Variants in SLC4A4 observed in about 807,000 individuals in gnomAD.
SLC4A4 encodes the protein solute carrier family 4 member 4.
A neutral mutation model predicts 111.5 loss-of-function variants in SLC4A4; 27 were observed. That is an observed-to-expected ratio of 0.24 (90% CI 0.18 to 0.33). The LOEUF is 0.33. Ranked by LOEUF, SLC4A4 falls within the 10% of genes least tolerant of loss-of-function variation. SLC4A4 has a pLI of 1.00. For synonymous variants in SLC4A4, 443 were observed against 463.4 expected (o/e 0.96, Z 0.57); for missense variants, 909 against 1,315.5 (o/e 0.69, Z 4.78).
intron 2 of SLC4A4, among the ~76,000 whole-genome samples, chr4:71,176,007 T>C (rs896384777): frequency 2.0e-5 from 3 of 152,098 alleles, no homozygotes; most frequent in African/African-American, 7.2e-5. Flanking sequence ...GGCAGCAACA[T>C]TTGCTGTTCA....
At chr4:71,192,122 G>A (rs1250565408) in intron 1 of SLC4A4, among the ~76,000 whole-genome samples, 1 of 152,102 alleles carries the variant, frequency 6.6e-6, no homozygotes, top group Non-Finnish European at 1.5e-5. Context: ...TTTTTTTAAA[G>A]TATATTCACT....
Position 71,571,272 on chromosome 4 carries a change from A to G in SLC4A4, c.*3521A>G, listed in dbSNP as rs1020188241. On this transcript the variant is annotated 3_prime_UTR_variant, in exon 26 of 26. Coordinates refer to ENST00000264485, the MANE Select transcript of SLC4A4 (RefSeq NM_001098484.3). Reference sequence around the variant, plus strand: ...GACAAAGCCTTCTTCAATCCTTTTCATACTACTTAATGATTTTGGTGCAGG... The same window carrying G: ...GACAAAGCCTTCTTCAATCCTTTTCGTACTACTTAATGATTTTGGTGCAGG... The G allele has an allele frequency of 3.3e-5, 5 of 152,272 alleles. No homozygotes were observed. Among genetic ancestry groups the G allele is most frequent in the South Asian group, 2.1e-4 (1 of 4,828 alleles). 9.4% of individuals were successfully genotyped at this position (152,272 alleles called of 1,614,324 possible). A position where few individuals can be genotyped will look rare whatever the true frequency, so the allele number is the denominator to read the frequency against.
chr4:71,084,061 T>C (rs1742075013), intron 1 of SLC4A4, among the ~76,000 whole-genome samples: 2 of 151,746 alleles, frequency 1.3e-5, no homozygotes, highest in South Asian at 2.1e-4. Context: ...CAAAAAGGGA[T>C]GAGGAGGGAC....
chr4:71,450,704 C>G (rs2149075767), intron 10 of SLC4A4, among the ~76,000 whole-genome samples, 161 bp downstream of exon 10: 1 of 152,050 alleles, frequency 6.6e-6, no homozygotes, highest in South Asian at 2.1e-4. Context: ...GCCTTGGTTT[C>G]ACGTTTCCTT....
chr4:71,155,331 C>A (rs1430689495), intron 2 of SLC4A4, among the ~76,000 whole-genome samples: 1 of 152,010 alleles, frequency 6.6e-6, no homozygotes, highest in Non-Finnish European at 1.5e-5. Context: ...CCATTTCAGA[C>A]TGCAAAAAAA....
chr4:71,425,715 C>T (rs975193773), intron 7 of SLC4A4, among the ~76,000 whole-genome samples: 2 of 151,926 alleles, frequency 1.3e-5, no homozygotes, highest in East Asian at 1.9e-4. Flanking sequence ...GGGAGATGGG[C>T]GTCCAGGTCA....
chr4:71,486,530 A>G (rs950659775), intron 14 of SLC4A4, among the ~76,000 whole-genome samples: 1 of 151,584 alleles, frequency 6.6e-6, no homozygotes, highest in African/African-American at 2.4e-5. Context: ...AAATTATTTA[A>G]GTCTTAATTA....
rs200226048 is a variant in SLC4A4 at position 71,453,495 on chromosome 4, G to A, written c.1323G>A (p.Arg441=). The change falls in exon 12 of 26, where the codon CGG becomes CGA. Residue 441 remains arginine (R), a splice_region_variant and synonymous_variant. Coordinates refer to ENST00000264485, the MANE Select transcript of SLC4A4 (RefSeq NM_001098484.3). ...GDCEELQRTG[R]FCGGLIKDIK... Reference sequence around the variant, plus strand: ...GGATGTTTGCATTCTCTCTGCCCAGGTTCTGTGGTGGACTAATTAAAGACA... The same window carrying A: ...GGATGTTTGCATTCTCTCTGCCCAGATTCTGTGGTGGACTAATTAAAGACA... 678 of 1,613,566 alleles carry A rather than the reference G, an allele frequency of 4.2e-4. No homozygotes were observed. The highest frequency in any genetic ancestry group is 5.5e-4 in the Non-Finnish European group (651 of 1,179,702).
At chr4:71,499,826 G>A (rs1024056853) in intron 16 of SLC4A4, among the ~76,000 whole-genome samples, 6 of 152,146 alleles carry the variant, frequency 3.9e-5, no homozygotes, top group African/African-American at 1.4e-4. Context: ...TTATTCATCT[G>A]TTGATGAACA....
intron 3 of SLC4A4, among the ~76,000 whole-genome samples, chr4:71,265,650 G>A (rs890483026): frequency 1.3e-5 from 2 of 152,050 alleles, no homozygotes; most frequent in Admixed American, 6.6e-5. Flanking sequence ...TCCTCAAACC[G>A]GTTTCAAGTG....
At chr4:71,385,215 T>TTTTTA (rs1718593049) in intron 6 of SLC4A4, among the ~76,000 whole-genome samples, 1 of 134,194 alleles carries the variant, frequency 7.5e-6, no homozygotes, top group African/African-American at 2.8e-5. Flanking sequence ...TTTTTTTTTT[T>TTTTTA]GAGACAGAGT....
At chr4:71,141,880 G>C (rs1026030309) in intron 2 of SLC4A4, among the ~76,000 whole-genome samples, 5 of 152,232 alleles carry the variant, frequency 3.3e-5, no homozygotes, top group Admixed American at 3.3e-4. Context: ...TTGGAGAATA[G>C]AAGAATGAAT....
intron 6 of SLC4A4, among the ~76,000 whole-genome samples, chr4:71,374,971 A>C (rs1732218246): frequency 6.6e-6 from 1 of 152,144 alleles, no homozygotes. Context: ...CCTTAGCGTC[A>C]ACTTTGATTA....
intron 1 of SLC4A4, among the ~76,000 whole-genome samples, chr4:71,229,625 G>A (rs922181260): frequency 5.9e-5 from 9 of 152,020 alleles, no homozygotes; most frequent in East Asian, 1.9e-4. Context: ...GATTTGCTTC[G>A]CTTTGTTGCT....
chr4:71,448,542 T>A (rs1725469695), intron 9 of SLC4A4, among the ~76,000 whole-genome samples: 1 of 152,166 alleles, frequency 6.6e-6, no homozygotes, highest in South Asian at 2.1e-4. Flanking sequence ...GAAGGAATGA[T>A]ACACATCTAA....
intron 1 of SLC4A4, among the ~76,000 whole-genome samples, chr4:71,233,001 T>C (rs184322239): frequency 2.6e-4 from 40 of 152,340 alleles, no homozygotes; most frequent in Admixed American, 6.5e-4. Flanking sequence ...GGCTTCAGGA[T>C]TTTGTTGTGC....
chr4:71,488,288 G>A (rs1255995561), intron 15 of SLC4A4, among the ~76,000 whole-genome samples: 1 of 151,416 alleles, frequency 6.6e-6, no homozygotes, highest in Admixed American at 6.6e-5. Context: ...AACTAATCAA[G>A]GGAATCATTA....
chr4:71,257,767 G>A (rs752370002), intron 3 of SLC4A4, among the ~76,000 whole-genome samples: 29 of 152,304 alleles, frequency 1.9e-4, no homozygotes, highest in Middle Eastern at 3.4e-3. Context: ...AGTGCGCGAT[G>A]TGATGCTTAT....
intron 16 of SLC4A4, among the ~76,000 whole-genome samples, chr4:71,529,500 A>C (rs1578122411): frequency 6.6e-6 from 1 of 152,108 alleles, no homozygotes; most frequent in Non-Finnish European, 1.5e-5. Flanking sequence ...GCTCTCAGTG[A>C]TGAGGTTCAG....
Sources: allele counts gnomAD v4.1 joint callset (sites outside exome capture counted in the v4.1 genomes callset), GRCh38; gene constraint gnomAD v4.1.1; transcripts MANE v1.5; gene names NCBI Gene and HGNC (gene_info 2026-07-23, HGNC 2026-07-21).